The following PLAC1 variants were observed in gnomAD, a reference collection of about 807,000 sequenced individuals.
The protein encoded by PLAC1 is placenta-specific protein 1.
For missense variants in PLAC1, 136 were observed against 163.2 expected (o/e 0.83, Z 0.91); for synonymous variants, 68 against 62.1 (o/e 1.09, Z -0.44).
At chrX:134,685,640 G>A (rs1025397656) in intron 2 of PLAC1, among the ~76,000 whole-genome samples, 4 of 110,009 alleles carry the variant, frequency 3.6e-5, no homozygotes, top group South Asian at 3.9e-4. Context: ...TATTCAAGTC[G>A]GGGACTCTAT....
At chrX:134,614,455 A>C (rs1051339819) in intron 1 of PLAC1, among the ~76,000 whole-genome samples, 22 of 111,088 alleles carry the variant, frequency 2.0e-4, no homozygotes, top group African/African-American at 7.2e-4. Flanking sequence ...TAAAAATTCT[A>C]CATATAAGTG....
intron 2 of PLAC1, among the ~76,000 whole-genome samples, chrX:134,575,182 C>A (rs768245041): frequency 4.5e-5 from 5 of 110,899 alleles, no homozygotes; most frequent in Non-Finnish European, 9.4e-5. Context: ...TGTCCCCGAG[C>A]CTGAATGTTC....
At position 134,718,860 on chromosome X, in the gene PLAC1, T is replaced by C. The variant is rs760102371; in HGVS notation, n.174+14575A>G. 2.7e-5 allele frequency among the ~76,000 whole-genome samples: 3 copies of C among 112,130 alleles called. 1 individual carries two copies. Among genetic ancestry groups the C allele is most frequent in the East Asian group, 5.6e-4 (2 of 3,584 alleles). On this transcript the variant is annotated intron_variant and non_coding_transcript_variant, in intron 2 of 2. Coordinates refer to the PLAC1 transcript ENST00000466797. ...GAAAGATTGCCCTCTTCCTTTTCCA[T>C]GCTCACCTCCCTTTCTTGCCAAATG...
intron 2 of PLAC1, 86 bp from the exon 3 acceptor site, chrX:134,566,826 T>C: frequency 2.2e-6 from 1 of 457,225 alleles, no homozygotes; most frequent in Middle Eastern, 6.2e-4. Context: ...CAAAGGGCTG[T>C]TCCTAAAGCA....
At chrX:134,696,566 T>C (rs2078563969) in intron 2 of PLAC1, among the ~76,000 whole-genome samples, 2 of 111,934 alleles carry the variant, frequency 1.8e-5, no homozygotes, top group Non-Finnish European at 3.8e-5. Context: ...CAGCACAATC[T>C]GGGAGTCGTA....
intron 2 of PLAC1, among the ~76,000 whole-genome samples, chrX:134,717,089 A>C (rs193151292): frequency 1.9e-3 from 217 of 111,711 alleles, no homozygotes; most frequent in African/African-American, 6.6e-3. Context: ...TCTAAACCTG[A>C]CTCAGTGAAA....
intron 2 of PLAC1, among the ~76,000 whole-genome samples, chrX:134,684,703 G>C (rs748304182): frequency 1.8e-5 from 2 of 111,796 alleles, no homozygotes; most frequent in South Asian, 7.5e-4. Context: ...GCAAGGGACT[G>C]TGCAGTTTCC....
intron 2 of PLAC1, among the ~76,000 whole-genome samples, chrX:134,693,836 G>A (rs966551056): frequency 4.5e-5 from 5 of 111,542 alleles, no homozygotes; most frequent in East Asian, 2.8e-4. Flanking sequence ...GTCAGTTCCT[G>A]TGGGTTTCTC....
chrX:134,739,489 G>C (rs1191700168), intron 1 of PLAC1, among the ~76,000 whole-genome samples: 1 of 112,496 alleles, frequency 8.9e-6, no homozygotes, highest in Non-Finnish European at 1.9e-5. Flanking sequence ...CTGACTGCTA[G>C]AGCAAACAGG....
intron 1 of PLAC1, among the ~76,000 whole-genome samples, chrX:134,735,975 AAG>A (rs1491259777): frequency 9.3e-6 from 1 of 107,835 alleles, no homozygotes; most frequent in Admixed American, 1.0e-4. Context: ...AAAAAAAAAA[AAG>A]AAGAAGAAGA....
chrX:134,736,005 C>T (rs901472476), intron 1 of PLAC1, among the ~76,000 whole-genome samples: 16 of 108,267 alleles, frequency 1.5e-4, no homozygotes, highest in Non-Finnish European at 2.5e-4. Context: ...GGGCTGGGCG[C>T]GGTGGCTCAC....
intron 2 of PLAC1, among the ~76,000 whole-genome samples, chrX:134,713,149 C>T (rs764313796): frequency 9.0e-6 from 1 of 111,463 alleles, no homozygotes; most frequent in Non-Finnish European, 1.9e-5. Context: ...CCCCAAAGGT[C>T]CCAAACCCCA....
intron 2 of PLAC1, among the ~76,000 whole-genome samples, chrX:134,572,584 C>T (rs756300196): frequency 1.9e-4 from 21 of 111,111 alleles, no homozygotes; most frequent in South Asian, 3.8e-4. Context: ...ACACCTTGAC[C>T]GAACCCTTAA....
intron 2 of PLAC1, among the ~76,000 whole-genome samples, chrX:134,666,661 G>A (rs952940608): frequency 8.9e-6 from 1 of 111,838 alleles, no homozygotes; most frequent in Non-Finnish European, 1.9e-5. Context: ...CTGCAAATAC[G>A]TGTAACTTTT....
intron 2 of PLAC1, among the ~76,000 whole-genome samples, chrX:134,726,883 C>A (rs1482574314): frequency 1.8e-5 from 2 of 108,474 alleles, no homozygotes; most frequent in Non-Finnish European, 3.8e-5. Context: ...GGCAAACTAC[C>A]CGTTGCTCTA....
In PLAC1 at chrX:134,750,834, T is replaced by TA. The variant is rs2078740279; in HGVS notation, n.89+13399_89+13400insT. ...AAAAATATATATATATATATATATA[T>TA]TTATATATATATTTATATATATATA... On this transcript the variant is annotated intron_variant and non_coding_transcript_variant, in intron 1 of 2. Coordinates refer to the PLAC1 transcript ENST00000466797. Among the ~76,000 whole-genome samples the TA allele has an allele frequency of 1.3e-4, 4 of 31,986 alleles. 1 individual carries two copies. Among genetic ancestry groups the TA allele is most frequent in the African/African-American group, 4.0e-4 (2 of 4,951 alleles). 27.8% of individuals were successfully genotyped at this position (31,986 alleles called of 115,157 possible). A position where few individuals can be genotyped will look rare whatever the true frequency, so the allele number is the denominator to read the frequency against.
At chrX:134,636,735 AG>A in intron 1 of PLAC1, among the ~76,000 whole-genome samples, 1 of 112,486 alleles carries the variant, frequency 8.9e-6, no homozygotes, top group Non-Finnish European at 1.9e-5. Flanking sequence ...TCTAATTAAA[AG>A]ATATCACGCT....
intron 1 of PLAC1, chrX:134,604,497 T>C (rs765458650): frequency 4.5e-5 from 5 of 111,831 alleles, no homozygotes; most frequent in Non-Finnish European, 7.5e-5. Flanking sequence ...GCTTGTGGCA[T>C]GATTCACTGA....
At chrX:134,730,988 C>G (rs2078687427) in intron 2 of PLAC1, among the ~76,000 whole-genome samples, 1 of 111,294 alleles carries the variant, frequency 9.0e-6, no homozygotes, top group Non-Finnish European at 1.9e-5. Flanking sequence ...CTTCACTTGC[C>G]TTCTATATGT....
Sources: gnomAD v4.1 joint callset for allele counts (sites outside exome capture counted in the v4.1 genomes callset) on GRCh38, gnomAD v4.1.1 for gene constraint, MANE v1.5 for transcripts, NCBI Gene and HGNC (gene_info 2026-07-23, HGNC 2026-07-21) for gene names.